Variants in RIPK2 observed in about 807,000 individuals in gnomAD.
RIPK2 encodes receptor-interacting serine/threonine-protein kinase 2.
Under a neutral mutation model 60.9 loss-of-function variants are expected in RIPK2, and 38 were observed. That is an observed-to-expected ratio of 0.62 (90% CI 0.48 to 0.82). The LOEUF (loss-of-function observed/expected upper bound fraction) is 0.82, where lower values mean the gene tolerates loss of function less well. Ranked by LOEUF, RIPK2 falls within the 40% of genes least tolerant of loss-of-function variation. The probability of loss-of-function intolerance (pLI) is 0.00; values close to 1 mark genes in which losing one functional copy is unlikely to be tolerated. For synonymous variants in RIPK2, 225 were observed against 223.4 expected (o/e 1.01, Z -0.06); for missense variants, 518 against 647.0 (o/e 0.80, Z 2.16).
chr8:89,779,318 T>TTTTG (rs1554598409), intron 6 of RIPK2, among the ~76,000 whole-genome samples: 1 of 128,126 alleles, frequency 7.8e-6, no homozygotes, highest in Non-Finnish European at 1.6e-5. Flanking sequence ...GGGTTTTTTT[T>TTTTG]TTTTTTTTTT....
intron 1 of RIPK2, 111 bp from the exon 2 acceptor site, chr8:89,762,718 T>G (rs1448206600): frequency 4.0e-6 from 2 of 503,272 alleles, no homozygotes; most frequent in Non-Finnish European, 3.3e-6. Flanking sequence ...TTGCATAATT[T>G]ACATGAGGTC....
At chr8:89,784,953 G>A (rs1235770298) in intron 8 of RIPK2, among the ~76,000 whole-genome samples, 2 of 152,040 alleles carry the variant, frequency 1.3e-5, no homozygotes, top group African/African-American at 4.8e-5. Context: ...AAATGAGGAA[G>A]TCAGGTTCTT....
chr8:89,784,240 A>G, intron 8 of RIPK2, 101 bp downstream of exon 8: 1 of 685,186 alleles, frequency 1.5e-6, no homozygotes, highest in Non-Finnish European at 2.3e-6. Context: ...TAGAAGGAAA[A>G]CTAAAGCCCA....
intron 9 of RIPK2, among the ~76,000 whole-genome samples, chr8:89,787,577 A>C (rs775397922): frequency 6.6e-6 from 1 of 152,268 alleles, no homozygotes; most frequent in Non-Finnish European, 1.5e-5. Flanking sequence ...AAGAAAATAC[A>C]GAGAACAGTG....
At position 89,790,938 on chromosome 8, in the gene RIPK2, G is replaced by A. The variant is rs201760872; in HGVS notation, c.*522G>A. 8 of 149,664 alleles carry A rather than the reference G, an allele frequency of 5.3e-5. No individual in the cohort carries two copies. Among genetic ancestry groups the A allele is most frequent in the African/African-American group, 1.8e-4 (7 of 39,204 alleles). The allele number at this position is 149,664 out of a possible 1,614,324, so 9.3% of individuals were successfully genotyped here. A position where few individuals can be genotyped will look rare whatever the true frequency, so the allele number is the denominator to read the frequency against. On this transcript the variant is annotated 3_prime_UTR_variant, in exon 11 of 11. Coordinates refer to ENST00000220751, the MANE Select transcript of RIPK2 (RefSeq NM_003821.6). ...TCCCTTTAAAAATGATATTTCAAAG[G>A]TAAAACAATACAATATAAAGAAAAA...
At chr8:89,768,935 A>G (rs954091745) in intron 3 of RIPK2, among the ~76,000 whole-genome samples, 9 of 151,818 alleles carry the variant, frequency 5.9e-5, no homozygotes, top group Non-Finnish European at 1.3e-4. Context: ...GCAGTAAAAT[A>G]TTTTAAGTAA....
intron 8 of RIPK2, among the ~76,000 whole-genome samples, chr8:89,785,408 C>T (rs182214158): frequency 7.9e-5 from 12 of 151,896 alleles, no homozygotes; most frequent in Non-Finnish European, 1.3e-4. Context: ...AAGCCAAGAT[C>T]GCACCACTGC....
chr8:89,765,340 G>A lies in RIPK2; in HGVS notation c.328-1G>A, dbSNP rs781124703. The A allele has an allele frequency of 6.3e-7, 1 of 1,599,300 alleles. No individual in the cohort carries two copies. The highest frequency in any genetic ancestry group is 8.5e-7 in the Non-Finnish European group (1 of 1,172,132). On this transcript the variant is annotated splice_acceptor_variant, in intron 2 of 10. Transcript: ENST00000220751. LOFTEE classifies it high-confidence loss of function. The stretch of plus-strand genomic sequence containing the variant: ...TTCTTTCTTTTCACATATATATGAA[G>A]AAAACTGAATATCCTGATGTTGCTT...
intron 2 of RIPK2, among the ~76,000 whole-genome samples, chr8:89,763,614 G>T (rs1031013806): frequency 6.6e-6 from 1 of 151,922 alleles, no homozygotes; most frequent in Non-Finnish European, 1.5e-5. Context: ...AAACTACTTG[G>T]TCCATTTTTT....
chr8:89,761,636 C>T (rs1809146414), intron 1 of RIPK2, among the ~76,000 whole-genome samples: 2 of 151,802 alleles, frequency 1.3e-5, no homozygotes, highest in African/African-American at 4.8e-5. Flanking sequence ...TACATTGGCA[C>T]ACCCCTGTAG....
At chr8:89,764,472 A>G (rs1203600110) in intron 2 of RIPK2, among the ~76,000 whole-genome samples, 2 of 152,164 alleles carry the variant, frequency 1.3e-5, no homozygotes, top group Non-Finnish European at 2.9e-5. Context: ...CTTTCAGTAG[A>G]AGCAGTCTTT....
intron 6 of RIPK2, among the ~76,000 whole-genome samples, chr8:89,778,291 A>G (rs1047700508): frequency 3.6e-4 from 54 of 152,066 alleles, no homozygotes; most frequent in African/African-American, 1.3e-3. Context: ...TCATATAATA[A>G]AGATTATTTT....
chr8:89,780,254 T>C (rs1411341162), intron 7 of RIPK2, 94 bp downstream of exon 7: 10 of 609,590 alleles, frequency 1.6e-5, no homozygotes, highest in Non-Finnish European at 2.5e-5. Flanking sequence ...TTAATATATA[T>C]ACTTTACACA....
chr8:89,778,665 A>G (rs1263064208), intron 6 of RIPK2, among the ~76,000 whole-genome samples: 1 of 152,216 alleles, frequency 6.6e-6, no homozygotes, highest in African/African-American at 2.4e-5. Context: ...TTTATTGTTG[A>G]ATAATACATC....
chr8:89,773,820 A>C (rs183567845), intron 6 of RIPK2, among the ~76,000 whole-genome samples: 1 of 152,336 alleles, frequency 6.6e-6, no homozygotes, highest in East Asian at 1.9e-4. Context: ...GGTTAGGCAG[A>C]ATCTTTAAAT....
At chr8:89,760,303 A>T (rs777062951) in intron 1 of RIPK2, among the ~76,000 whole-genome samples, 5 of 152,186 alleles carry the variant, frequency 3.3e-5, no homozygotes, top group South Asian at 2.1e-4. Context: ...CCTGACTTCT[A>T]TCCGATGAGT....
rs56257721 is a variant in RIPK2 at position 89,769,900 on chromosome 8, A to T, written c.612A>T (p.Ser204=). The change falls in exon 4 of 11, where the codon TCA becomes TCT. Residue 204 remains serine, a synonymous_variant. Transcript: ENST00000220751. ...AAAACTATGAACCTGGACAAAAATC[A>T]AGGGCCAGTATCAAGCACGATATAT... is the stretch of plus-strand genomic sequence containing the variant. ...PPENYEPGQK[S]RASIKHDIYS... 3,116 of 1,607,632 alleles carry T rather than the reference A, an allele frequency of 1.9e-3. 45 individuals carry two copies. In the African/African-American group the frequency reaches 0.034, roughly 18 times the overall value.
At chr8:89,777,959 G>A (rs1586127968) in intron 6 of RIPK2, among the ~76,000 whole-genome samples, 1 of 152,050 alleles carries the variant, frequency 6.6e-6, no homozygotes, top group Non-Finnish European at 1.5e-5. Flanking sequence ...GGACCAAATG[G>A]AAGAACATGA....
At chr8:89,759,916 G>A (rs758934213) in intron 1 of RIPK2, among the ~76,000 whole-genome samples, 10 of 152,164 alleles carry the variant, frequency 6.6e-5, no homozygotes, top group African/African-American at 1.4e-4. Context: ...TGAAGAGGGA[G>A]TTTCCTTCCC....
Sources: allele counts gnomAD v4.1 joint callset (sites outside exome capture counted in the v4.1 genomes callset), GRCh38; gene constraint gnomAD v4.1.1; transcripts MANE v1.5; gene names NCBI Gene and HGNC (gene_info 2026-07-23, HGNC 2026-07-21).